TXNL4A: variants seen among roughly 807,000 people sequenced by gnomAD.
TXNL4A encodes the protein thioredoxin-like protein 4A.
TXNL4A carries 17 observed loss-of-function variants against 14.6 expected under a neutral mutation model. That is an observed-to-expected ratio of 1.16 (90% confidence interval 0.80 to 1.74). TXNL4A has a LOEUF of 1.74. Ranked by LOEUF, TXNL4A falls within the 40% of genes most tolerant of loss-of-function variation. TXNL4A has a pLI of 0.00. For synonymous variants in TXNL4A, 83 were observed against 70.6 expected (o/e 1.18, Z -0.88); for missense variants, 74 against 195.2 (o/e 0.38, Z 3.70).
intron 1 of TXNL4A, among the ~76,000 whole-genome samples, chr18:80,014,590 C>A (rs1351649958): frequency 6.6e-6 from 1 of 152,206 alleles, no homozygotes; most frequent in East Asian, 1.9e-4. Flanking sequence ...CAGGGTACAG[C>A]CTCCCTCCAG....
chr18:79,986,067 C>G (rs1427184272), intron 1 of TXNL4A, among the ~76,000 whole-genome samples: 1 of 149,998 alleles, frequency 6.7e-6, no homozygotes, highest in African/African-American at 2.5e-5. Flanking sequence ...GAGACAGAGT[C>G]TCACTCCTGT....
chr18:79,987,650 C>G (rs1357170409), intron 1 of TXNL4A, among the ~76,000 whole-genome samples: 2 of 152,170 alleles, frequency 1.3e-5, no homozygotes, highest in Non-Finnish European at 2.9e-5. Flanking sequence ...AATGCCAAGA[C>G]CACTCAGTGT....
chr18:79,986,723 G>T, intron 1 of TXNL4A: 1 of 985,464 alleles, frequency 1.0e-6, no homozygotes, highest in Non-Finnish European at 1.2e-6. Flanking sequence ...AGCAGGATCT[G>T]AACACCACCC....
chr18:79,973,512 C>G lies in TXNL4A; in HGVS notation c.*173G>C, dbSNP rs113279947. On this transcript the variant is annotated 3_prime_UTR_variant, in exon 3 of 3. Transcript: ENST00000269601. ...TCCTGAGAACAAACAAGTAGGCCTG[C>G]TCCTCTCACCACGTGCTTGTTTATT... 1 of 689,764 alleles carries G rather than the reference C, an allele frequency of 1.4e-6. No individual in the cohort carries two copies. Among genetic ancestry groups the G allele is most frequent in the African/African-American group, 1.8e-5 (1 of 54,366 alleles). The allele number at this position is 689,764 out of a possible 1,614,324, so 42.7% of individuals were successfully genotyped here.
intron 1 of TXNL4A, among the ~76,000 whole-genome samples, chr18:79,984,271 A>G (rs1248813681): frequency 2.6e-5 from 4 of 152,168 alleles, no homozygotes; most frequent in Non-Finnish European, 5.9e-5. Context: ...CCATAAATAT[A>G]TATCTGCCTT....
chr18:79,990,680 T>C (rs1295864973), upstream of TXNL4A, among the ~76,000 whole-genome samples: 1 of 152,210 alleles, frequency 6.6e-6, no homozygotes, highest in Non-Finnish European at 1.5e-5. Flanking sequence ...TGTCCCCAAA[T>C]AATTTATTGA....
At chr18:80,026,171 A>G (rs552032065) in intron 1 of TXNL4A, among the ~76,000 whole-genome samples, 2 of 152,368 alleles carry the variant, frequency 1.3e-5, no homozygotes, top group Admixed American at 1.3e-4. Context: ...CATAGCCAGA[A>G]CTAATGAACT....
chr18:80,015,368 A>G (rs910539219), intron 1 of TXNL4A, among the ~76,000 whole-genome samples: 1 of 150,678 alleles, frequency 6.6e-6, no homozygotes. Context: ...TATTATTATT[A>G]TTATTATTAT....
intron 2 of TXNL4A, chr18:79,976,747 G>A (rs770443543): frequency 9.6e-5 from 44 of 456,288 alleles, no homozygotes; most frequent in Middle Eastern, 3.2e-4. Flanking sequence ...TTGGAGAATG[G>A]TCTAATGCTC....
At position 79,997,102 on chromosome 18, in the gene TXNL4A, AG is replaced by A. The variant is rs1180137776; in HGVS notation, c.-60-19402del. Among the ~76,000 whole-genome samples the A allele has an allele frequency of 2.0e-5, 3 of 152,278 alleles. No individual in the cohort carries two copies. The East Asian group carries it at 5.8e-4, about 29-fold the overall frequency. On this transcript the variant is annotated intron_variant, in intron 1 of 2. Coordinates refer to the TXNL4A transcript ENST00000585474. ...AGCAGAAAACAGTAAAACTCCTTTT[AG>A]CTTCCCCAGTCTTCCTGTTAACTCC...
upstream of TXNL4A, among the ~76,000 whole-genome samples, chr18:79,989,767 G>A (rs1441291489): frequency 6.6e-6 from 1 of 152,136 alleles, no homozygotes; most frequent in African/African-American, 2.4e-5. Context: ...GGCCGAGGCC[G>A]GCGGATCGCC....
upstream of TXNL4A, among the ~76,000 whole-genome samples, chr18:79,991,116 A>G (rs2051625846): frequency 6.6e-6 from 1 of 151,962 alleles, no homozygotes; most frequent in Non-Finnish European, 1.5e-5. Flanking sequence ...TCAAAAAAAA[A>G]AAAAAAAAAA....
intron 1 of TXNL4A, among the ~76,000 whole-genome samples, chr18:80,024,006 G>A (rs985281749): frequency 2.0e-5 from 3 of 152,142 alleles, no homozygotes; most frequent in African/African-American, 7.2e-5. Flanking sequence ...TAACCACGAA[G>A]GGATCCTGAG....
intron 1 of TXNL4A, among the ~76,000 whole-genome samples, chr18:80,006,173 C>T (rs895924186): frequency 2.0e-5 from 3 of 152,120 alleles, no homozygotes; most frequent in East Asian, 1.9e-4. Flanking sequence ...ATCACGAGGT[C>T]AGGAGTTCGA....
Position 80,015,355 on chromosome 18 carries a change from A to AATTATTATTATTATTATT in TXNL4A, c.-61+18478_-61+18495dup, listed in dbSNP as rs60860228. ...TTTAAAACAAAATGCTTTTTTAAAA[A>AATTATTATTATTATTATT]ATTATTATTATTATTATTATTATAC... On this transcript the variant is annotated intron_variant, in intron 1 of 2. Transcript: ENST00000585474. Among the ~76,000 whole-genome samples, 147 of 148,486 alleles carry AATTATTATTATTATTATT rather than the reference A, an allele frequency of 9.9e-4. 1 individual carries two copies. In the Middle Eastern group the frequency reaches 0.011, roughly 11 times the overall value.
At chr18:79,992,150 T>C (rs1050422675), upstream of TXNL4A, among the ~76,000 whole-genome samples, 1 of 152,216 alleles carries the variant, frequency 6.6e-6, no homozygotes, top group Non-Finnish European at 1.5e-5. Context: ...GATGACTGAC[T>C]AGAATGGGAG....
chr18:79,989,360 T>C (rs1437880298), upstream of TXNL4A, among the ~76,000 whole-genome samples: 1 of 151,918 alleles, frequency 6.6e-6, no homozygotes, highest in Non-Finnish European at 1.5e-5. Flanking sequence ...TCTGCCCGCC[T>C]CGGCCTCCCA....
At chr18:80,023,263 A>G (rs116341435) in intron 1 of TXNL4A, among the ~76,000 whole-genome samples, 1,859 of 152,286 alleles carry the variant, frequency 0.012, 24 homozygotes, top group African/African-American at 0.031. Flanking sequence ...GGCTGTTGAA[A>G]GTGGAGTTTT....
At chr18:80,018,558 G>T (rs987830090) in intron 1 of TXNL4A, among the ~76,000 whole-genome samples, 1 of 152,020 alleles carries the variant, frequency 6.6e-6, no homozygotes, top group Non-Finnish European at 1.5e-5. Context: ...CTGGTTTTTT[G>T]AAAGGATCAA....
Sources: allele counts gnomAD v4.1 joint callset (sites outside exome capture counted in the v4.1 genomes callset), GRCh38; gene constraint gnomAD v4.1.1; transcripts MANE v1.5; gene names NCBI Gene and HGNC (gene_info 2026-07-23, HGNC 2026-07-21).